The following FHIT variants were observed in gnomAD, a reference collection of about 807,000 sequenced individuals.
FHIT encodes fragile histidine triad diadenosine triphosphatase.
A neutral mutation model predicts 17.9 loss-of-function variants in FHIT; 19 were observed. That is an observed-to-expected ratio of 1.06 (90% CI 0.74 to 1.56). The LOEUF (loss-of-function observed/expected upper bound fraction) is 1.56, where lower values mean the gene tolerates loss of function less well. Ranked by LOEUF, FHIT falls within the 40% of genes most tolerant of loss-of-function variation. FHIT has a pLI of 0.00. For missense variants in FHIT, 248 were observed against 189.2 expected (o/e 1.31, Z -1.82); for synonymous variants, 81 against 69.7 (o/e 1.16, Z -0.81).
intron 4 of FHIT, among the ~76,000 whole-genome samples, chr3:60,697,277 T>G (rs2041135525): frequency 6.6e-6 from 1 of 152,138 alleles, no homozygotes; most frequent in Non-Finnish European, 1.5e-5. Flanking sequence ...TCTAATATGA[T>G]CAGAGAGAGG....
At chr3:60,408,820 C>G (rs565508418) in intron 5 of FHIT, among the ~76,000 whole-genome samples, 1 of 152,182 alleles carries the variant, frequency 6.6e-6, no homozygotes, top group East Asian at 1.9e-4. Context: ...AGATCAATTA[C>G]CATAATCAGG....
In FHIT at chr3:59,987,111, T is replaced by G. The variant is rs1709015200; in HGVS notation, c.279+24260A>C. Among the ~76,000 whole-genome samples the G allele has an allele frequency of 2.2e-5, 3 of 138,682 alleles. No homozygotes were observed. In the South Asian group the frequency reaches 7.0e-4, roughly 32 times the overall value. 91.0% of individuals were successfully genotyped at this position (138,682 alleles called of 152,430 possible). On this transcript the variant is annotated intron_variant, in intron 7 of 9. Coordinates refer to ENST00000492590, the MANE Select transcript of FHIT (RefSeq NM_002012.4). ...TAGATATGAAGATATAAAAAATCTA[T>G]ATATTTTATATAGATATAAAATATA...
chr3:59,948,011 G>C (rs1452529986), intron 7 of FHIT, among the ~76,000 whole-genome samples: 1 of 151,982 alleles, frequency 6.6e-6, no homozygotes, highest in Non-Finnish European at 1.5e-5. Context: ...AATATTCTAT[G>C]GTATAGATGT....
chr3:60,665,079 G>T (rs565393817), intron 4 of FHIT, among the ~76,000 whole-genome samples: 2 of 151,896 alleles, frequency 1.3e-5, no homozygotes, highest in Non-Finnish European at 2.9e-5. Context: ...TCTTTGACCT[G>T]TTGATAACTT....
At chr3:60,567,358 G>T (rs1349058839) in intron 4 of FHIT, among the ~76,000 whole-genome samples, 1 of 152,156 alleles carries the variant, frequency 6.6e-6, no homozygotes, top group Admixed American at 6.6e-5. Context: ...AACGGGGAAA[G>T]GATTCTCTAT....
chr3:60,163,228 C>G (rs1701016028), intron 5 of FHIT, among the ~76,000 whole-genome samples: 1 of 152,148 alleles, frequency 6.6e-6, no homozygotes, highest in Non-Finnish European at 1.5e-5. Context: ...AAACAGAGCA[C>G]AGATTCAAGC....
chr3:60,376,066 T>A (rs1176214929), intron 5 of FHIT, among the ~76,000 whole-genome samples: 1 of 152,226 alleles, frequency 6.6e-6, no homozygotes, highest in African/African-American at 2.4e-5. Flanking sequence ...TTCTTCTATT[T>A]CATTCATATT....
intron 4 of FHIT, among the ~76,000 whole-genome samples, chr3:60,741,636 A>G (rs2042243819): frequency 6.6e-6 from 1 of 151,992 alleles, no homozygotes; most frequent in African/African-American, 2.4e-5. Context: ...TCCAGTTTCG[A>G]CTCTGTGACT....
At chr3:60,798,088 C>T (rs750145983) in intron 4 of FHIT, among the ~76,000 whole-genome samples, 15 of 152,122 alleles carry the variant, frequency 9.9e-5, no homozygotes, top group Non-Finnish European at 1.3e-4. Context: ...GCTGTTACAA[C>T]GACTCTTCTC....
intron 4 of FHIT, among the ~76,000 whole-genome samples, chr3:60,796,224 G>C (rs1246619333): frequency 2.0e-5 from 3 of 152,140 alleles, no homozygotes; most frequent in Non-Finnish European, 4.4e-5. Flanking sequence ...TTTTAATGGG[G>C]ACACAGCGAA....
chr3:60,860,328 T>C (rs1245650815), intron 3 of FHIT, among the ~76,000 whole-genome samples: 16 of 145,786 alleles, frequency 1.1e-4, no homozygotes, highest in African/African-American at 4.0e-4. Flanking sequence ...ATACATCATA[T>C]GTATACATGA....
intron 3 of FHIT, among the ~76,000 whole-genome samples, chr3:61,023,259 T>C (rs1176398517): frequency 6.6e-6 from 1 of 151,880 alleles, no homozygotes; most frequent in Admixed American, 6.6e-5. Flanking sequence ...ACAAACAGAA[T>C]AAAATACCCA....
intron 5 of FHIT, among the ~76,000 whole-genome samples, chr3:60,035,223 G>A (rs980995081): frequency 1.2e-4 from 19 of 152,084 alleles, no homozygotes; most frequent in Admixed American, 1.1e-3. Flanking sequence ...GAGTCAGACC[G>A]CCACGTGGGT....
chr3:61,185,345 G>A (rs1344654368), intron 2 of FHIT, among the ~76,000 whole-genome samples: 2 of 152,168 alleles, frequency 1.3e-5, no homozygotes, highest in African/African-American at 4.8e-5. Context: ...CTCAAGCTGA[G>A]CCAACCTCCT....
intron 7 of FHIT, among the ~76,000 whole-genome samples, chr3:59,971,591 C>T (rs554673774): frequency 3.3e-4 from 50 of 152,222 alleles, no homozygotes; most frequent in Non-Finnish European, 6.6e-4. Flanking sequence ...GGAGGCAGAA[C>T]TTTTCAACAG....
intron 5 of FHIT, among the ~76,000 whole-genome samples, chr3:60,210,381 C>A (rs1576313499): frequency 6.6e-6 from 1 of 152,048 alleles, no homozygotes; most frequent in Admixed American, 6.6e-5. Flanking sequence ...ATCTCAATAA[C>A]CTAGGAATGG....
chr3:60,701,466 G>A (rs1553702107), intron 4 of FHIT, among the ~76,000 whole-genome samples: 1 of 152,080 alleles, frequency 6.6e-6, no homozygotes. Context: ...ATAATGTGGT[G>A]GATAGGGGGT....
intron 5 of FHIT, among the ~76,000 whole-genome samples, chr3:60,346,838 G>A (rs1000753888): frequency 2.0e-5 from 3 of 152,052 alleles, no homozygotes; most frequent in Non-Finnish European, 4.4e-5. Context: ...CCTGAATTTA[G>A]GTTTCTGTAG....
chr3:60,731,429 C>T (rs964228641), intron 4 of FHIT, among the ~76,000 whole-genome samples: 1 of 152,122 alleles, frequency 6.6e-6, no homozygotes, highest in South Asian at 2.1e-4. Flanking sequence ...CTTGAGAGAT[C>T]GAGTGCATGG....
Sources: gnomAD v4.1 joint callset for allele counts (sites outside exome capture counted in the v4.1 genomes callset) on GRCh38, gnomAD v4.1.1 for gene constraint, MANE v1.5 for transcripts, NCBI Gene and HGNC (gene_info 2026-07-23, HGNC 2026-07-21) for gene names.